The following ASIC2 variants were observed in gnomAD, a reference collection of about 807,000 sequenced individuals.
ASIC2 encodes acid sensing ion channel subunit 2.
A neutral mutation model predicts 57.3 loss-of-function variants in ASIC2; 25 were observed. The ratio of observed to expected loss-of-function variants is 0.44; its 90% CI spans 0.32 to 0.61. ASIC2 has a LOEUF of 0.61. Ranked by LOEUF, ASIC2 falls within the 20% of genes least tolerant of loss-of-function variation. The probability of loss-of-function intolerance (pLI) is 0.06; values close to 1 mark genes in which losing one functional copy is unlikely to be tolerated. For missense variants in ASIC2, 641 were observed against 738.1 expected, an observed-to-expected ratio of 0.87 and a Z score of 1.52; for synonymous variants, 319 against 307.5, an observed-to-expected ratio of 1.04 and a Z score of -0.39.
chr17:33,772,300 C>G (rs537966415), intron 1 of ASIC2, among the ~76,000 whole-genome samples: 1 of 152,232 alleles, frequency 6.6e-6, no homozygotes, highest in Admixed American at 6.5e-5. Flanking sequence ...GACAGGCCAG[C>G]CTTGCTGGGT....
chr17:33,401,620 G>T (rs1042695647), intron 1 of ASIC2, among the ~76,000 whole-genome samples: 12 of 152,132 alleles, frequency 7.9e-5, no homozygotes, highest in Non-Finnish European at 1.6e-4. Context: ...GACACAAATG[G>T]GCAAGAATTC....
At chr17:33,532,768 C>A (rs12938018) in intron 1 of ASIC2, among the ~76,000 whole-genome samples, 2,146 of 152,272 alleles carry the variant, frequency 0.014, 49 homozygotes, top group African/African-American at 0.048. Context: ...TCACCCAGCC[C>A]AAGATAGCCT....
chr17:33,053,049 C>A (rs982092244), intron 3 of ASIC2, among the ~76,000 whole-genome samples: 1 of 152,212 alleles, frequency 6.6e-6, no homozygotes, highest in Non-Finnish European at 1.5e-5. Flanking sequence ...CAAATGCCAA[C>A]TGCATTGGAT....
chr17:33,050,626 G>A (rs2091971368), intron 3 of ASIC2, among the ~76,000 whole-genome samples: 1 of 152,172 alleles, frequency 6.6e-6, no homozygotes, highest in African/African-American at 2.4e-5. Context: ...TCTTTGAAGT[G>A]AAACATCCCC....
At chr17:33,740,887 T>C (rs2201039) in intron 1 of ASIC2, among the ~76,000 whole-genome samples, 37,620 of 152,058 alleles carry the variant, frequency 0.25, 5,276 homozygotes, top group East Asian at 0.67. Flanking sequence ...TCTAAAAATA[T>C]AGCTGCTATT....
intron 1 of ASIC2, among the ~76,000 whole-genome samples, chr17:34,022,142 T>C (rs1207812734): frequency 6.6e-6 from 1 of 152,180 alleles, no homozygotes. Flanking sequence ...GTGATTTTTA[T>C]GTGCAGCCAG....
intron 1 of ASIC2, among the ~76,000 whole-genome samples, chr17:33,610,098 A>G (rs1905353225): frequency 6.6e-6 from 1 of 152,094 alleles, no homozygotes; most frequent in Non-Finnish European, 1.5e-5. Flanking sequence ...AGATATATGC[A>G]CACACAACTG....
At chr17:33,284,354 T>G (rs889335738) in intron 1 of ASIC2, among the ~76,000 whole-genome samples, 1 of 152,232 alleles carries the variant, frequency 6.6e-6, no homozygotes, top group Admixed American at 6.5e-5. Context: ...AGTGATTTAG[T>G]TGAGGTTGTG....
At chr17:33,082,273 C>T (rs971262612) in intron 3 of ASIC2, among the ~76,000 whole-genome samples, 1 of 152,024 alleles carries the variant, frequency 6.6e-6, no homozygotes, top group Non-Finnish European at 1.5e-5. Context: ...TTCCCAGGAC[C>T]ACCAAGAAGT....
At chr17:33,351,967 C>T (rs891634011) in intron 1 of ASIC2, among the ~76,000 whole-genome samples, 6 of 152,066 alleles carry the variant, frequency 3.9e-5, no homozygotes, top group African/African-American at 1.2e-4. Context: ...TTTTAGCTGT[C>T]TTCTTCCTTC....
At chr17:33,534,281 A>G (rs1915154338) in intron 1 of ASIC2, 1 of 152,180 alleles carries the variant, frequency 6.6e-6, no homozygotes, top group Non-Finnish European at 1.5e-5. Context: ...GACACAAATC[A>G]TTTCTGATTG....
chr17:33,555,555 G>C (rs141515694), intron 1 of ASIC2, among the ~76,000 whole-genome samples: 397 of 152,282 alleles, frequency 2.6e-3, no homozygotes, highest in Non-Finnish European at 4.5e-3. Context: ...ATGGTGAAAA[G>C]CTGAGAGGTG....
At chr17:34,036,220 T>G (rs981365743) in intron 1 of ASIC2, among the ~76,000 whole-genome samples, 1 of 151,750 alleles carries the variant, frequency 6.6e-6, no homozygotes, top group Non-Finnish European at 1.5e-5. Context: ...ATGTCCTTTG[T>G]AGGGACATCA....
intron 1 of ASIC2, among the ~76,000 whole-genome samples, chr17:33,948,802 C>T (rs148752433): frequency 1.3e-5 from 2 of 152,284 alleles, no homozygotes; most frequent in African/African-American, 4.8e-5. Context: ...AGACAGTGGA[C>T]ACTGCATGAA....
Position 33,153,278 on chromosome 17 carries a change from T to A in ASIC2, c.709-41211A>T, listed in dbSNP as rs139522606. On this transcript the variant is annotated intron_variant, in intron 1 of 9. Transcript: ENST00000225823. ...CAGCTAACTCCTCCCCTGTCCTTTC[T>A]GGGGTGACCAGGCTTCCACTCCACT... 9.8e-5 allele frequency among the ~76,000 whole-genome samples: 15 copies of A among 152,344 alleles called. No individual in the cohort carries two copies. In the East Asian group the frequency reaches 2.9e-3, roughly 29 times the overall value.
chr17:33,174,133 T>A (rs942978347), intron 1 of ASIC2, among the ~76,000 whole-genome samples: 1 of 151,968 alleles, frequency 6.6e-6, no homozygotes, highest in Non-Finnish European at 1.5e-5. Flanking sequence ...GAAAATCAAA[T>A]CCATGGGGCC....
rs183440364 is a variant in ASIC2 at position 33,094,132 on chromosome 17, C to T, written c.860-5142G>A. Among the ~76,000 whole-genome samples, 13 of 152,296 alleles carry T rather than the reference C, an allele frequency of 8.5e-5. No homozygotes were observed. The East Asian group carries it at 9.7e-4, about 11-fold the overall frequency. Reference sequence around the variant, plus strand: ...CTTCTCCACCCTGCTCTCTGTGCTACGGGTTTGACTTGCAGAGACTGTCTT... The same window carrying T: ...CTTCTCCACCCTGCTCTCTGTGCTATGGGTTTGACTTGCAGAGACTGTCTT... On this transcript the variant is annotated intron_variant, in intron 2 of 9. Coordinates refer to ENST00000225823, the MANE Select transcript of ASIC2 (RefSeq NM_183377.2).
At chr17:33,417,456 G>GA (rs149544101) in intron 1 of ASIC2, among the ~76,000 whole-genome samples, 25 of 152,272 alleles carry the variant, frequency 1.6e-4, no homozygotes, top group Non-Finnish European at 2.8e-4. Flanking sequence ...GACTACCCGG[G>GA]AAACACACAG....
chr17:33,164,395 T>C (rs1905245148), intron 1 of ASIC2, among the ~76,000 whole-genome samples: 1 of 152,146 alleles, frequency 6.6e-6, no homozygotes, highest in Non-Finnish European at 1.5e-5. Flanking sequence ...ATTCAAACAT[T>C]AATGCTCCCC....
Sources: allele counts gnomAD v4.1 joint callset (sites outside exome capture counted in the v4.1 genomes callset), GRCh38; gene constraint gnomAD v4.1.1; transcripts MANE v1.5; gene names NCBI Gene and HGNC (gene_info 2026-07-23, HGNC 2026-07-21).